The following ACE variants were observed in gnomAD, a reference collection of about 807,000 sequenced individuals.
ACE encodes the protein angiotensin-converting enzyme.
A neutral mutation model predicts 162.3 loss-of-function variants in ACE; 122 were observed. The observed-to-expected ratio is 0.75, with a 90% CI of 0.65 to 0.87. ACE has a LOEUF of 0.87. Among genes scored for constraint, ACE ranks in the 40% least tolerant of loss-of-function variants. ACE has a pLI of 0.00. For synonymous variants in ACE, 796 were observed against 720.6 expected, an observed-to-expected ratio of 1.10 and a Z score of -1.68; for missense variants, 1,799 against 1,735.1, an observed-to-expected ratio of 1.04 and a Z score of -0.65.
chr17:63,492,451 G>C (rs2030445120), intron 19 of ACE, among the ~76,000 whole-genome samples: 1 of 152,218 alleles, frequency 6.6e-6, no homozygotes, highest in African/African-American at 2.4e-5. Context: ...AACCCGATGG[G>C]ATTCCCTGGG....
Position 63,488,708 on chromosome 17 carries a change from G to T in ACE, c.2366G>T (p.Gly789Val). The change falls in exon 16 of 25, where the codon GGC becomes GTC. Residue 789 changes from glycine (G) to valine (V), a missense_variant. Gly to Val is a moderately radical substitution (Grantham distance 109, BLOSUM62 -3). Coordinates refer to ENST00000290866, the MANE Select transcript of ACE (RefSeq NM_000789.4). Reference sequence around the variant, plus strand: ...GAAGACCTGTTATGGGCATGGGAGGGCTGGCGAGACAAGGCGGGGAGAGCC... The same window carrying T: ...GAAGACCTGTTATGGGCATGGGAGGTCTGGCGAGACAAGGCGGGGAGAGCC... ...KYEDLLWAWE[G>V]WRDKAGRAIL... is the part of the protein sequence containing the mutation. The T allele has an allele frequency of 1.2e-6, 2 of 1,613,700 alleles. No individual in the cohort carries two copies. Among genetic ancestry groups the T allele is most frequent in the South Asian group, 2.2e-5 (2 of 91,038 alleles).
In ACE at chr17:63,483,470, C is replaced by T. The variant is rs2049747561; in HGVS notation, c.1498C>T (p.Gln500Ter). 3 of 1,613,824 alleles carry T rather than the reference C, an allele frequency of 1.9e-6. No homozygotes were observed. The highest frequency in any genetic ancestry group is 2.5e-6 in the Non-Finnish European group (3 of 1,179,806). Residue 500 changes from glutamine to a stop codon, truncating the protein, a stop_gained, in exon 10 of 25, where the codon CAG becomes TAG. Coordinates refer to ENST00000290866, the MANE Select transcript of ACE (RefSeq NM_000789.4). LOFTEE classifies it high-confidence loss of function. The stretch of plus-strand genomic sequence containing the variant: ...ACCATCCTTTTCCAGAACCAAGTAT[C>T]AGGGGATCTGTCCTCCTGTTACCCG... ...FDWWYLRTKY[Q>*]GICPPVTRNE...
At chr17:63,481,011 C>G in intron 5 of ACE, 80 bp from the exon 6 acceptor site, 2 of 1,419,634 alleles carry the variant, frequency 1.4e-6, no homozygotes, top group Non-Finnish European at 2.0e-6. Context: ...GTGCCGGCCC[C>G]AGGGTGCCAC....
chr17:63,494,502 G>C (rs773683102), intron 22 of ACE, 32 bp downstream of exon 22: 1 of 1,563,836 alleles, frequency 6.4e-7, no homozygotes. Context: ...CACATTGTGA[G>C]GGGCAGTACC....
intron 19 of ACE, among the ~76,000 whole-genome samples, chr17:63,492,705 C>T (rs1243169167): frequency 2.0e-5 from 3 of 152,192 alleles, no homozygotes; most frequent in South Asian, 2.1e-4. Flanking sequence ...GAGAATTTCC[C>T]GCAGTTTGAA....
At position 63,477,260 on chromosome 17, in the gene ACE, A is replaced by G; in HGVS notation, c.166A>G (p.Ser56Gly). 6.7e-7 allele frequency: 1 copy of G among 1,495,160 alleles called. No individual in the cohort carries two copies. The highest frequency in any genetic ancestry group is 8.9e-7 in the Non-Finnish European group (1 of 1,123,266). 92.6% of individuals were successfully genotyped at this position (1,495,160 alleles called of 1,614,324 possible). A position where few individuals can be genotyped will look rare whatever the true frequency, so the allele number is the denominator to read the frequency against. ...GCTCTTCGCGCAGAGCTACAACTCC[A>G]GCGCCGAACAGGTGCTGTTCCAGAG... is the stretch of plus-strand genomic sequence containing the variant. ...AQLFAQSYNS[S>G]AEQVLFQSVA... is the part of the protein sequence containing the mutation. Residue 56 changes from serine (S) to glycine (G), a missense_variant, in exon 1 of 25, where the codon AGC becomes GGC. Physicochemically the swap from Ser to Gly is moderately conservative, Grantham distance 56. Transcript: ENST00000290866.
Position 63,497,654 on chromosome 17 carries a change from A to G in ACE, c.*288A>G, listed in dbSNP as rs574759943. On this transcript the variant is annotated 3_prime_UTR_variant, in exon 25 of 25. Coordinates refer to ENST00000290866, the MANE Select transcript of ACE (RefSeq NM_000789.4). ...TGTGTCCCTCACAGGGAAGCCAGGG[A>G]CAGGGACAGGCTGCTTTCCTGCCTC... The G allele has an allele frequency of 1.0e-4, 66 of 629,650 alleles. No individual in the cohort carries two copies. In the Admixed American group the frequency reaches 1.2e-3, roughly 11 times the overall value. 39.0% of individuals were successfully genotyped at this position (629,650 alleles called of 1,614,324 possible).
rs1204197992 is a variant in ACE, at chr17:63,494,250, A to AC, written c.3282-121dup. The AC allele has an allele frequency of 2.4e-6, 3 of 1,259,142 alleles. No homozygotes were observed. In the East Asian group the frequency reaches 7.5e-5, roughly 32 times the overall value. 78.0% of individuals were successfully genotyped at this position (1,259,142 alleles called of 1,614,324 possible). A position where few individuals can be genotyped will look rare whatever the true frequency, so the allele number is the denominator to read the frequency against. The stretch of plus-strand genomic sequence containing the variant: ...GGGTGATTGTGCACAGAGGCCCAGC[A>AC]CGCAGGAGAATGGGGTGCCCAGTAT... On this transcript the variant is annotated intron_variant, in intron 21 of 24. Transcript: ENST00000290866.
chr17:63,482,215 C>A (rs2049721232), intron 7 of ACE, among the ~76,000 whole-genome samples: 1 of 151,992 alleles, frequency 6.6e-6, no homozygotes, highest in Non-Finnish European at 1.5e-5. Flanking sequence ...GCAGGAGAAT[C>A]TCTTGAACCC....
intron 9 of ACE, 114 bp downstream of exon 9, chr17:63,483,287 C>A: frequency 6.4e-7 from 1 of 1,565,044 alleles, no homozygotes; most frequent in Non-Finnish European, 8.8e-7. Flanking sequence ...TGATGTCCCC[C>A]GCTGTGACCC....
At chr17:63,487,610 T>G (rs1004774716) in intron 15 of ACE, among the ~76,000 whole-genome samples, 1 of 152,174 alleles carries the variant, frequency 6.6e-6, no homozygotes, top group African/African-American at 2.4e-5. Context: ...TGGATAGAAG[T>G]AGACAGCTCT....
chr17:63,488,716 G>A lies in ACE; in HGVS notation c.2374G>A (p.Asp792Asn). Reference protein sequence around the residue: ...DLLWAWEGWRDKAGRAILQFY... With the variant: ...DLLWAWEGWRNKAGRAILQFY... The stretch of plus-strand genomic sequence containing the variant: ...GTTATGGGCATGGGAGGGCTGGCGA[G>A]ACAAGGCGGGGAGAGCCATCCTCCA... The change falls in exon 16 of 25, where the codon GAC (aspartate) becomes AAC (asparagine). Residue 792 changes from aspartate (D) to asparagine (N), a missense_variant. Asp to Asn is a conservative substitution (Grantham distance 23). Coordinates refer to ENST00000290866, the MANE Select transcript of ACE (RefSeq NM_000789.4). 1 of 1,613,736 alleles carries A rather than the reference G, an allele frequency of 6.2e-7. No homozygotes were observed. The highest frequency in any genetic ancestry group is 1.1e-5 in the South Asian group (1 of 91,044).
At chr17:63,481,465 C>T in intron 6 of ACE, 101 bp from the exon 7 acceptor site, 2 of 1,339,644 alleles carry the variant, frequency 1.5e-6, no homozygotes, top group Admixed American at 4.0e-5. Flanking sequence ...AGCAGAGAAG[C>T]TTTCATGCAC....
At position 63,483,889 on chromosome 17, in the gene ACE, G is replaced by T. The variant is rs762055246; in HGVS notation, c.1627G>T (p.Ala543Ser). 5.6e-6 allele frequency: 9 copies of T among 1,614,036 alleles called. No homozygotes were observed. The highest frequency in any genetic ancestry group is 7.6e-6 in the Non-Finnish European group (9 of 1,180,052). The stretch of plus-strand genomic sequence containing the variant: ...TGTCCTGCAGTTCCAGTTCCATGAA[G>T]CCCTGTGCAAGGAGGCAGGCTATGA... ...SFVLQFQFHE[A>S]LCKEAGYEGP... is the part of the protein sequence containing the mutation. Residue 543 changes from alanine (A) to serine (S), a missense_variant, in exon 11 of 25, where the codon GCC (alanine) becomes TCC (serine). Ala to Ser is a moderately conservative substitution (Grantham distance 99). Transcript: ENST00000290866.
chr17:63,491,171 G>A lies in ACE; in HGVS notation c.2740-38G>A, dbSNP rs760231189. ...CCACGGCAGCACGCAGTCTGTCCCC[G>A]GAACCCCCAGTTTGGGCAGAACTCC... On this transcript the variant is annotated intron_variant, in intron 18 of 24. Transcript: ENST00000290866. This position sits in a 1 kb window ranked among gnomAD's most constrained non-coding sequence, Gnocchi z 4.4. 3.7e-5 allele frequency: 60 copies of A among 1,612,934 alleles called. No individual in the cohort carries two copies. Among genetic ancestry groups the A allele is most frequent in the African/African-American group, 2.1e-4 (16 of 74,890 alleles).
chr17:63,481,789 G>A (rs951584814), intron 7 of ACE, 51 bp downstream of exon 7: 1 of 1,611,852 alleles, frequency 6.2e-7, no homozygotes, highest in Non-Finnish European at 8.5e-7. Flanking sequence ...CTGGGGCCCG[G>A]GGAAAGGCAG....
intron 22 of ACE, chr17:63,496,117 G>C (rs1340160603): frequency 4.0e-6 from 2 of 495,154 alleles, no homozygotes. Context: ...TGAAGGCTCT[G>C]CCCTGACCCC....
chr17:63,488,680 T>C lies in ACE; in HGVS notation c.2338T>C (p.Tyr780His). ...LTNVMATSRK[Y>H]EDLLWAWEGW... is the part of the protein sequence containing the mutation. The stretch of plus-strand genomic sequence containing the variant: ...GAATGTGATGGCCACGTCCCGGAAA[T>C]ATGAAGACCTGTTATGGGCATGGGA... The change falls in exon 16 of 25, where the codon TAT becomes CAT. Residue 780 changes from tyrosine (Y) to histidine (H), a missense_variant. Tyr to His is a moderately conservative substitution (Grantham distance 83, BLOSUM62 2). Coordinates refer to ENST00000290866, the MANE Select transcript of ACE (RefSeq NM_000789.4). 1 of 1,613,134 alleles carries C rather than the reference T, an allele frequency of 6.2e-7. No individual in the cohort carries two copies. Among genetic ancestry groups the C allele is most frequent in the Non-Finnish European group, 8.5e-7 (1 of 1,179,850 alleles).
At position 63,480,349 on chromosome 17, in the gene ACE, CG is replaced by C. The variant is rs2049685830; in HGVS notation, c.673del (p.Ala225ProfsTer23). On this transcript the variant is annotated frameshift_variant, in exon 5 of 25. Transcript: ENST00000290866. LOFTEE classifies it high-confidence loss of function. ...EAYKQDGFTD[T>X]GAYWRSWYNS... Reference sequence around the variant, plus strand: ...CCCACGCCCCCAGGCTTCACAGACACGGGGGCCTACTGGCGCTCCTGGTACA... The same window carrying C: ...CCCACGCCCCCAGGCTTCACAGACACGGGGCCTACTGGCGCTCCTGGTACA... 1 of 1,613,794 alleles carries C rather than the reference CG, an allele frequency of 6.2e-7. No homozygotes were observed. Among genetic ancestry groups the C allele is most frequent in the Non-Finnish European group, 8.5e-7 (1 of 1,180,040 alleles).
Sources: gnomAD v4.1 joint callset for allele counts (sites outside exome capture counted in the v4.1 genomes callset) on GRCh38, gnomAD v4.1.1 for gene constraint, Gnocchi (gnomAD v3.1) non-coding constraint, MANE v1.5 for transcripts, NCBI Gene and HGNC (gene_info 2026-07-23, HGNC 2026-07-21) for gene names.